Variants in CNTN3 observed in about 807,000 individuals in gnomAD.
CNTN3 encodes the protein contactin 3.
CNTN3 carries 60 observed loss-of-function variants against 119.1 expected under a neutral mutation model. The ratio of observed to expected loss-of-function variants is 0.50; its 90% CI spans 0.41 to 0.62. The LOEUF is 0.62. Ranked by LOEUF, CNTN3 falls within the 20% of genes least tolerant of loss-of-function variation. The probability of loss-of-function intolerance (pLI) is 0.00; values close to 1 mark genes in which losing one functional copy is unlikely to be tolerated. For synonymous variants in CNTN3, 450 were observed against 438.7 expected (o/e 1.03, Z -0.32); for missense variants, 1,101 against 1,242.4 (o/e 0.89, Z 1.71).
Position 74,329,912 on chromosome 3 carries a change from T to C in CNTN3, c.1668+4823A>G, listed in dbSNP as rs114603420. On this transcript the variant is annotated intron_variant, in intron 13 of 22. Coordinates refer to ENST00000263665, the MANE Select transcript of CNTN3 (RefSeq NM_020872.3). ...ACATTCACACCATCATATATGAAGA[T>C]ATCTAGATACAGGCAAAAAAAGAGA... Among the ~76,000 whole-genome samples the C allele has an allele frequency of 8.6e-3, 1,309 of 152,298 alleles. 17 individuals carry two copies. Among genetic ancestry groups the C allele is most frequent in the African/African-American group, 0.028 (1,180 of 41,564 alleles).
chr3:74,488,121 TTTTTGTTTGAGACAGAGTCTCC>T (rs940762837), intron 3 of CNTN3, among the ~76,000 whole-genome samples: 1 of 151,744 alleles, frequency 6.6e-6, no homozygotes, highest in African/African-American at 2.4e-5. Context: ...CTCAACTTTT[TTTTTGTTTGAGACAGAGTCTCC>T]CTCTGTCTCC....
At chr3:74,510,811 T>A (rs7430531) in intron 2 of CNTN3, among the ~76,000 whole-genome samples, 104,168 of 151,960 alleles carry the variant, frequency 0.69, 36,558 homozygotes, top group Middle Eastern at 0.77. Flanking sequence ...AAGCAATTCT[T>A]ACTTTAATCT....
At position 74,285,475 on chromosome 3, in the gene CNTN3, C is replaced by G; in HGVS notation, c.2534G>C (p.Gly845Ala). 1 of 1,611,608 alleles carries G rather than the reference C, an allele frequency of 6.2e-7. No homozygotes were observed. The highest frequency in any genetic ancestry group is 8.5e-7 in the Non-Finnish European group (1 of 1,178,884). ...LLGYEVRYWNGGGKEESSSKM... is the reference protein window; with the variant it reads ...LLGYEVRYWNAGGKEESSSKM... The stretch of plus-strand genomic sequence containing the variant: ...ACTGGATGATTCCTCCTTTCCACCC[C>G]CATTCCAGTACCGCACCTGGTGGGC... Residue 845 changes from glycine (G) to alanine (A), a missense_variant, in exon 20 of 23, where the codon GGG (glycine) becomes GCG (alanine). Coordinates refer to ENST00000263665, the MANE Select transcript of CNTN3 (RefSeq NM_020872.3).
At chr3:74,461,317 A>G (rs1160748621) in intron 4 of CNTN3, among the ~76,000 whole-genome samples, 2 of 151,992 alleles carry the variant, frequency 1.3e-5, no homozygotes, top group Non-Finnish European at 2.9e-5. Context: ...TGTTCATGCC[A>G]TTTATCTATT....
At chr3:74,456,845 C>A (rs1047558227) in intron 4 of CNTN3, among the ~76,000 whole-genome samples, 4 of 151,878 alleles carry the variant, frequency 2.6e-5, no homozygotes, top group Admixed American at 2.6e-4. Context: ...TTGAAATGTT[C>A]TTTTTATGTT....
chr3:74,439,087 T>C (rs922066223), intron 4 of CNTN3, among the ~76,000 whole-genome samples: 1 of 152,194 alleles, frequency 6.6e-6, no homozygotes, highest in Non-Finnish European at 1.5e-5. Context: ...GTTAATTAGC[T>C]TAATTTGATT....
rs149780199 is a variant in CNTN3 at position 74,532,886 on chromosome 3, C to T, written c.-80-11694G>A. On this transcript the variant is annotated intron_variant, in intron 1 of 22. Coordinates refer to ENST00000263665, the MANE Select transcript of CNTN3 (RefSeq NM_020872.3). Reference sequence around the variant, plus strand: ...GCAAGAAGAAAAAGGTCTGATTTTTCTAGAGGGAAGAGTCTTCTCAGGATT... The same window carrying T: ...GCAAGAAGAAAAAGGTCTGATTTTTTTAGAGGGAAGAGTCTTCTCAGGATT... Among the ~76,000 whole-genome samples, 93 of 152,104 alleles carry T rather than the reference C, an allele frequency of 6.1e-4. 3 individuals are homozygous for T. Among genetic ancestry groups the T allele is most frequent in the Middle Eastern group, 6.8e-3 (2 of 294 alleles).
At chr3:74,559,293 C>T (rs914724934) in intron 1 of CNTN3, among the ~76,000 whole-genome samples, 5 of 152,186 alleles carry the variant, frequency 3.3e-5, no homozygotes, top group South Asian at 4.1e-4. Context: ...TCTTTAGATG[C>T]AAGGACCCAG....
Position 74,514,156 on chromosome 3 carries a change from A to G in CNTN3, c.55+6902T>C, listed in dbSNP as rs149133001. Among the ~76,000 whole-genome samples the G allele has an allele frequency of 5.2e-3, 798 of 152,238 alleles. 8 individuals carry two copies. Among genetic ancestry groups the G allele is most frequent in the African/African-American group, 0.018 (756 of 41,570 alleles). ...AGCCTTAACCGTCTAACATGAAATC[A>G]CATGTGCATAGTGAGATCACAATGA... On this transcript the variant is annotated intron_variant, in intron 2 of 22. Transcript: ENST00000263665.
chr3:74,599,186 G>T (rs1358095545), intron 1 of CNTN3, among the ~76,000 whole-genome samples: 1 of 151,998 alleles, frequency 6.6e-6, no homozygotes, highest in African/African-American at 2.4e-5. Flanking sequence ...TATCTAATTT[G>T]TTCAGTAATT....
intron 4 of CNTN3, among the ~76,000 whole-genome samples, chr3:74,465,927 A>T (rs7632222): frequency 0.53 from 80,291 of 151,980 alleles, 21,529 homozygotes; most frequent in Non-Finnish European, 0.55. Flanking sequence ...AGAAAAAAGC[A>T]GAGATGGAGA....
intron 20 of CNTN3, among the ~76,000 whole-genome samples, chr3:74,271,287 C>G (rs977992278): frequency 6.6e-6 from 1 of 152,130 alleles, no homozygotes; most frequent in Non-Finnish European, 1.5e-5. Context: ...ACAAAATACA[C>G]AGCATAACCT....
chr3:74,602,036 T>C (rs1413777106), intron 1 of CNTN3, among the ~76,000 whole-genome samples: 1 of 151,836 alleles, frequency 6.6e-6, no homozygotes, highest in Non-Finnish European at 1.5e-5. Context: ...AGGCCAGGCA[T>C]GATGGCTCAT....
chr3:74,355,270 A>G (rs142031653), intron 11 of CNTN3, among the ~76,000 whole-genome samples: 1 of 152,182 alleles, frequency 6.6e-6, no homozygotes, highest in Non-Finnish European at 1.5e-5. Flanking sequence ...CATGCCTCTA[A>G]TCAACAGGTC....
chr3:74,551,416 A>C (rs1244070804), intron 1 of CNTN3, among the ~76,000 whole-genome samples: 1 of 152,100 alleles, frequency 6.6e-6, no homozygotes. Context: ...ATCCTCCCCG[A>C]GTATCAATAT....
At chr3:74,357,799 A>G (rs1164872421) in intron 11 of CNTN3, among the ~76,000 whole-genome samples, 1 of 152,094 alleles carries the variant, frequency 6.6e-6, no homozygotes, top group South Asian at 2.1e-4. Context: ...AATCAAATAC[A>G]CTTCAAATTT....
chr3:74,551,859 G>T (rs1467968609), intron 1 of CNTN3, among the ~76,000 whole-genome samples: 1 of 144,240 alleles, frequency 6.9e-6, no homozygotes, highest in African/African-American at 2.6e-5. Flanking sequence ...TGCCTTGTGG[G>T]TTCCAGAGAT....
intron 1 of CNTN3, among the ~76,000 whole-genome samples, chr3:74,543,974 A>T (rs144007467): frequency 2.0e-5 from 3 of 152,328 alleles, no homozygotes; most frequent in African/African-American, 7.2e-5. Flanking sequence ...CACTTCTCAA[A>T]AATAGTTTTT....
At chr3:74,382,501 C>T (rs1188799193) in intron 5 of CNTN3, among the ~76,000 whole-genome samples, 1 of 152,098 alleles carries the variant, frequency 6.6e-6, no homozygotes, top group Non-Finnish European at 1.5e-5. Context: ...TGACCTACAC[C>T]TTTCAATTCC....
Sources: allele counts gnomAD v4.1 joint callset (sites outside exome capture counted in the v4.1 genomes callset), GRCh38; gene constraint gnomAD v4.1.1; transcripts MANE v1.5; gene names NCBI Gene and HGNC (gene_info 2026-07-23, HGNC 2026-07-21).